Variants in EZH2 observed in about 807,000 individuals in gnomAD.
The protein encoded by EZH2 is histone-lysine N-methyltransferase EZH2.
Under a neutral mutation model 98.4 loss-of-function variants are expected in EZH2, and 18 were observed. The observed-to-expected ratio is 0.18, with a 90% CI of 0.13 to 0.27. The LOEUF is 0.27. EZH2 is among the 10% of genes least tolerant of loss of function. The pLI is 1.00. For missense variants in EZH2, 470 were observed against 935.1 expected (o/e 0.50, Z 6.49); for synonymous variants, 338 against 312.3 (o/e 1.08, Z -0.87).
chr7:148,836,588 A>G (rs1264871724), intron 3 of EZH2, among the ~76,000 whole-genome samples: 4 of 152,186 alleles, frequency 2.6e-5, no homozygotes, highest in African/African-American at 9.7e-5. Context: ...ACCTGGTCAG[A>G]GCCATGTGTC....
intron 5 of EZH2, among the ~76,000 whole-genome samples, chr7:148,829,488 G>T (rs1585027100): frequency 6.6e-6 from 1 of 152,218 alleles, no homozygotes; most frequent in Middle Eastern, 3.4e-3. Context: ...TTGCCATTAT[G>T]TTATAACCAA....
intron 14 of EZH2, 40 bp from the exon 15 acceptor site, chr7:148,814,177 A>T: frequency 6.3e-7 from 1 of 1,595,058 alleles, no homozygotes; most frequent in Admixed American, 1.7e-5. Context: ...TCATCACCGT[A>T]TGCAAAAACT....
chr7:148,846,648 A>C, intron 2 of EZH2, 50 bp from the exon 3 acceptor site: 1 of 1,550,440 alleles, frequency 6.4e-7, no homozygotes, highest in Admixed American at 1.8e-5. Context: ...TCATTGTTAG[A>C]AAATGTATAA....
intron 1 of EZH2, among the ~76,000 whole-genome samples, chr7:148,877,339 G>T (rs745495243): frequency 6.6e-6 from 1 of 152,078 alleles, no homozygotes; most frequent in Non-Finnish European, 1.5e-5. Context: ...TAGATAAAAC[G>T]TGTGGTACCA....
At position 148,811,780 on chromosome 7, in the gene EZH2, AAGT is replaced by A. The variant is rs1803156132; in HGVS notation, c.1852-63_1852-61del. 2.9e-6 allele frequency: 4 copies of A among 1,399,390 alleles called. No homozygotes were observed. In the African/African-American group the frequency reaches 4.3e-5, roughly 15 times the overall value. 86.7% of individuals were successfully genotyped at this position (1,399,390 alleles called of 1,614,324 possible). On this transcript the variant is annotated intron_variant, in intron 15 of 19. Coordinates refer to ENST00000320356, the MANE Select transcript of EZH2 (RefSeq NM_004456.5). ...GGAGGGTGAAAATGGACTGGGGACA[AAGT>A]AGACTACAGAATGAAAACAAAAGCT...
intron 1 of EZH2, among the ~76,000 whole-genome samples, chr7:148,874,105 G>A (rs1819851283): frequency 6.6e-6 from 1 of 151,368 alleles, no homozygotes; most frequent in Non-Finnish European, 1.5e-5. Context: ...AACTACCAGG[G>A]CCAGGCACAG....
At chr7:148,838,650 A>G (rs1445250746) in intron 3 of EZH2, among the ~76,000 whole-genome samples, 1 of 152,246 alleles carries the variant, frequency 6.6e-6, no homozygotes, top group Non-Finnish European at 1.5e-5. Context: ...TGGAACAGAG[A>G]GTATTATATA....
intron 15 of EZH2, among the ~76,000 whole-genome samples, chr7:148,812,370 G>A (rs1460295506): frequency 6.6e-6 from 1 of 152,138 alleles, no homozygotes; most frequent in East Asian, 1.9e-4. Flanking sequence ...TGTATTTAGG[G>A]ATGTGTTCCC....
chr7:148,815,127 T>C (rs886436014), intron 13 of EZH2, 88 bp from the exon 14 acceptor site: 1 of 1,492,954 alleles, frequency 6.7e-7, no homozygotes, highest in Admixed American at 2.1e-5. Context: ...TCTTCCCTAC[T>C]ACCTGTGGAG....
chr7:148,861,837 T>C (rs1585240017), intron 1 of EZH2, among the ~76,000 whole-genome samples: 1 of 151,360 alleles, frequency 6.6e-6, no homozygotes. Context: ...TAGTAAGTGG[T>C]GCTTTACATT....
chr7:148,846,876 G>A (rs1240794129), intron 2 of EZH2, among the ~76,000 whole-genome samples: 7 of 104,574 alleles, frequency 6.7e-5, no homozygotes, highest in South Asian at 2.8e-4. Context: ...GTGTGTGTGT[G>A]TGTGTGTATT....
At chr7:148,825,616 G>A (rs944489742) in intron 8 of EZH2, among the ~76,000 whole-genome samples, 2 of 152,180 alleles carry the variant, frequency 1.3e-5, no homozygotes, top group African/African-American at 4.8e-5. Context: ...GAATAAATCT[G>A]TCAATGGTAG....
chr7:148,855,974 CATTTA>C (rs1180347454), intron 1 of EZH2, among the ~76,000 whole-genome samples: 1 of 144,430 alleles, frequency 6.9e-6, no homozygotes. Flanking sequence ...GGAATTACAA[CATTTA>C]TATTAAAAAG....
chr7:148,859,449 T>C (rs371108161), intron 1 of EZH2, among the ~76,000 whole-genome samples: 1 of 152,026 alleles, frequency 6.6e-6, no homozygotes, highest in African/African-American at 2.4e-5. Flanking sequence ...GGGATTTCAG[T>C]GAGCCAAGAT....
In EZH2 at chr7:148,818,430, G is replaced by A. The variant is rs1805162412; in HGVS notation, c.1000-313C>T. Among the ~76,000 whole-genome samples, 6 of 152,232 alleles carry A rather than the reference G, an allele frequency of 3.9e-5. No homozygotes were observed. The South Asian group carries it at 1.2e-3, about 32-fold the overall frequency. The stretch of plus-strand genomic sequence containing the variant: ...GTTAAAATATAAGAAGATAAAGTAT[G>A]AAATATACTTCATGTAATAAAGGTA... On this transcript the variant is annotated intron_variant, in intron 9 of 19. Transcript: ENST00000320356.
At chr7:148,862,177 C>T (rs750009261) in intron 1 of EZH2, among the ~76,000 whole-genome samples, 2 of 152,038 alleles carry the variant, frequency 1.3e-5, no homozygotes, top group Non-Finnish European at 1.5e-5. Flanking sequence ...ACATGGAATC[C>T]GAAATTGTAT....
intron 1 of EZH2, among the ~76,000 whole-genome samples, chr7:148,869,414 C>T (rs1010045953): frequency 1.0e-4 from 15 of 144,204 alleles, no homozygotes; most frequent in African/African-American, 3.2e-4. Context: ...GGTGCAAACA[C>T]GGCTCACTGC....
intron 4 of EZH2, among the ~76,000 whole-genome samples, chr7:148,830,949 G>A (rs1809218294): frequency 6.6e-6 from 1 of 152,180 alleles, no homozygotes; most frequent in Non-Finnish European, 1.5e-5. Context: ...AAGAGTATTG[G>A]TTGAAAACAG....
intron 3 of EZH2, among the ~76,000 whole-genome samples, chr7:148,845,807 A>C (rs181493659): frequency 3.3e-5 from 5 of 152,208 alleles, no homozygotes; most frequent in African/African-American, 1.2e-4. Flanking sequence ...CTTTCTATAC[A>C]ACACAGGCAC....
Sources: gnomAD v4.1 joint callset for allele counts (sites outside exome capture counted in the v4.1 genomes callset) on GRCh38, gnomAD v4.1.1 for gene constraint, MANE v1.5 for transcripts, NCBI Gene and HGNC (gene_info 2026-07-23, HGNC 2026-07-21) for gene names.